The following AXDND1 variants were observed in gnomAD, a reference collection of about 807,000 sequenced individuals.
AXDND1 encodes the protein axonemal dynein light chain domain-containing protein 1.
AXDND1 carries 110 observed loss-of-function variants against 137.5 expected under a neutral mutation model. That is an observed-to-expected ratio of 0.80 (90% confidence interval 0.69 to 0.94). AXDND1 has a LOEUF of 0.94. Among genes scored for constraint, AXDND1 ranks in the 40% least tolerant of loss-of-function variants. The pLI is 0.00. For synonymous variants in AXDND1, 414 were observed against 399.7 expected, an observed-to-expected ratio of 1.04 and a Z score of -0.43; for missense variants, 1,191 against 1,169.8, an observed-to-expected ratio of 1.02 and a Z score of -0.26.
chr1:179,495,569 TAAG>T, intron 20 of AXDND1, among the ~76,000 whole-genome samples: 1 of 152,202 alleles, frequency 6.6e-6, no homozygotes, highest in Non-Finnish European at 1.5e-5. Context: ...TTATTCCTTC[TAAG>T]AATTTTTTTT....
At chr1:179,520,919 A>C (rs969808211) in intron 21 of AXDND1, among the ~76,000 whole-genome samples, 7 of 145,364 alleles carry the variant, frequency 4.8e-5, no homozygotes, top group African/African-American at 7.5e-5. Flanking sequence ...TATACAGACT[A>C]TATATATATA....
At chr1:179,462,575 C>A (rs143386393) in intron 16 of AXDND1, among the ~76,000 whole-genome samples, 14 of 152,026 alleles carry the variant, frequency 9.2e-5, no homozygotes, top group African/African-American at 2.4e-4. Flanking sequence ...TGAGTTAGGG[C>A]GGATTCCCTC....
At chr1:179,503,108 A>AAC (rs1476308308) in intron 20 of AXDND1, among the ~76,000 whole-genome samples, 1 of 151,676 alleles carries the variant, frequency 6.6e-6, no homozygotes, top group Admixed American at 6.6e-5. Context: ...AAAAAAAAAA[A>AAC]AGGATATTCC....
chr1:179,391,450 G>A (rs981830683), intron 9 of AXDND1, among the ~76,000 whole-genome samples: 2 of 151,992 alleles, frequency 1.3e-5, no homozygotes, highest in African/African-American at 4.8e-5. Context: ...TGAGTCATGA[G>A]GGCCGTTTCC....
chr1:179,395,552 A>C (rs1650921177), intron 11 of AXDND1, among the ~76,000 whole-genome samples: 2 of 152,168 alleles, frequency 1.3e-5, no homozygotes. Flanking sequence ...AAGTCACTTA[A>C]CTTTTCTGGG....
intron 11 of AXDND1, among the ~76,000 whole-genome samples, chr1:179,402,947 A>T (rs1380716778): frequency 6.6e-6 from 1 of 152,182 alleles, no homozygotes; most frequent in Non-Finnish European, 1.5e-5. Flanking sequence ...GTCACAATGG[A>T]TCAGTTAATC....
At chr1:179,456,617 C>T in intron 16 of AXDND1, 1 of 827,842 alleles carries the variant, frequency 1.2e-6, no homozygotes, top group Non-Finnish European at 2.1e-6. Flanking sequence ...TATAGCCATC[C>T]CCACTGCCAC....
At chr1:179,468,936 T>G (rs948066226) in intron 17 of AXDND1, among the ~76,000 whole-genome samples, 1 of 152,046 alleles carries the variant, frequency 6.6e-6, no homozygotes, top group African/African-American at 2.4e-5. Flanking sequence ...TGAACAATTT[T>G]TTTTTTTTTT....
At chr1:179,397,617 A>T (rs1651272992) in intron 11 of AXDND1, among the ~76,000 whole-genome samples, 2 of 152,214 alleles carry the variant, frequency 1.3e-5, no homozygotes, top group African/African-American at 4.8e-5. Flanking sequence ...TCTTTCAGGG[A>T]CATCAATGAG....
At chr1:179,499,482 G>A (rs572447248) in intron 20 of AXDND1, among the ~76,000 whole-genome samples, 1 of 152,220 alleles carries the variant, frequency 6.6e-6, no homozygotes, top group African/African-American at 2.4e-5. Flanking sequence ...TGTAAAGGAG[G>A]GGGAGGAATG....
intron 15 of AXDND1, among the ~76,000 whole-genome samples, chr1:179,434,537 G>T (rs1407502191): frequency 2.0e-5 from 3 of 152,084 alleles, no homozygotes; most frequent in African/African-American, 4.8e-5. Flanking sequence ...GGGATGCAAG[G>T]GTGATTCAAC....
intron 25 of AXDND1, among the ~76,000 whole-genome samples, chr1:179,542,908 T>C (rs973850481): frequency 2.0e-5 from 3 of 152,158 alleles, no homozygotes; most frequent in Non-Finnish European, 2.9e-5. Flanking sequence ...ATGAGACGCC[T>C]TGCAAAGCTC....
intron 12 of AXDND1, among the ~76,000 whole-genome samples, chr1:179,428,839 T>C (rs1656957181): frequency 6.6e-6 from 1 of 152,246 alleles, no homozygotes; most frequent in African/African-American, 2.4e-5. Context: ...TAATATGTAA[T>C]GGGTTTGTTA....
chr1:179,525,384 AGAT>A lies in AXDND1; in HGVS notation c.2550_2552del (p.Asp850del). ...CTGAAATAGACGAGTCTTTTAAAGA[AGAT>A]GAAGAAGAAAGTAAGGAGGATAGGA... is the stretch of plus-strand genomic sequence containing the variant. On this transcript the variant is annotated inframe_deletion, in exon 22 of 26. Coordinates refer to ENST00000367618, the MANE Select transcript of AXDND1 (RefSeq NM_144696.6). 1 of 1,612,554 alleles carries A rather than the reference AGAT, an allele frequency of 6.2e-7. No homozygotes were observed. Among genetic ancestry groups the A allele is most frequent in the Non-Finnish European group, 8.5e-7 (1 of 1,179,016 alleles).
chr1:179,537,124 G>C (rs747606378), intron 25 of AXDND1, among the ~76,000 whole-genome samples: 12 of 152,176 alleles, frequency 7.9e-5, no homozygotes, highest in Non-Finnish European at 1.8e-4. Context: ...GAGATGATGA[G>C]GTTTTCTAAA....
intron 4 of AXDND1, among the ~76,000 whole-genome samples, chr1:179,375,213 C>T (rs995347547): frequency 2.0e-5 from 3 of 151,770 alleles, no homozygotes; most frequent in Non-Finnish European, 4.4e-5. Flanking sequence ...ATTCTCCTGC[C>T]TCAGCCTCCC....
At chr1:179,472,186 C>T (rs772541229) in intron 17 of AXDND1, among the ~76,000 whole-genome samples, 9 of 152,164 alleles carry the variant, frequency 5.9e-5, no homozygotes, top group Non-Finnish European at 1.2e-4. Flanking sequence ...TGAGCCACTG[C>T]GCCCGGACTA....
chr1:179,426,283 T>C (rs925123961), intron 12 of AXDND1, among the ~76,000 whole-genome samples: 2 of 152,288 alleles, frequency 1.3e-5, no homozygotes, highest in East Asian at 3.9e-4. Flanking sequence ...ATTTTAAAGG[T>C]AAAATAATCC....
intron 24 of AXDND1, among the ~76,000 whole-genome samples, chr1:179,534,191 T>C (rs2209923): frequency 0.046 from 7,014 of 152,268 alleles, 246 homozygotes; most frequent in Non-Finnish European, 0.07. Flanking sequence ...TAGGAGAAAC[T>C]ATTGTGCTTG....
Sources: allele counts gnomAD v4.1 joint callset (sites outside exome capture counted in the v4.1 genomes callset), GRCh38; gene constraint gnomAD v4.1.1; transcripts MANE v1.5; gene names NCBI Gene and HGNC (gene_info 2026-07-23, HGNC 2026-07-21).